Variants in TEX9 observed in about 807,000 individuals in gnomAD.
TEX9 encodes the protein testis expressed 9, also known as testis-expressed protein 9.
A neutral mutation model predicts 59.6 loss-of-function variants in TEX9; 74 were observed. That is an observed-to-expected ratio of 1.24 (90% CI 1.03 to 1.51). The LOEUF (loss-of-function observed/expected upper bound fraction) is 1.51. TEX9 is among the 40% of genes most tolerant of loss of function. The probability of loss-of-function intolerance (pLI) is 0.00; values close to 1 mark genes in which losing one functional copy is unlikely to be tolerated. For missense variants in TEX9, 522 were observed against 447.8 expected (o/e 1.17, Z -1.49); for synonymous variants, 186 against 152.2 (o/e 1.22, Z -1.64).
chr15:56,389,174 T>A (rs2048095451), intron 5 of TEX9, 144 bp from the exon 6 acceptor site: 1 of 693,832 alleles, frequency 1.4e-6, no homozygotes, highest in Non-Finnish European at 2.6e-6. Context: ...GTTGTGATAT[T>A]CTTGAAAACA....
chr15:56,249,742 CAAAAAA>C (rs11440856), intron 1 of TEX9, among the ~76,000 whole-genome samples: 18 of 25,468 alleles, frequency 7.1e-4, no homozygotes, highest in East Asian at 2.4e-3. Context: ...GGATCTGTCT[CAAAAAA>C]AAAAAAAAAA....
At chr15:56,367,516 C>T (rs2046999371) in intron 2 of TEX9, among the ~76,000 whole-genome samples, 1 of 152,152 alleles carries the variant, frequency 6.6e-6, no homozygotes, top group East Asian at 1.9e-4. Flanking sequence ...GCTAATCGCT[C>T]AAGTGGATAG....
chr15:56,395,062 T>C, intron 9 of TEX9: 2 of 520,338 alleles, frequency 3.8e-6, no homozygotes, highest in Non-Finnish European at 6.7e-6. Context: ...TGTGCAACTA[T>C]CACCACAACC....
intron 1 of TEX9, among the ~76,000 whole-genome samples, chr15:56,311,126 T>C (rs1462891534): frequency 1.2e-4 from 3 of 26,056 alleles, no homozygotes; most frequent in African/African-American, 2.9e-4. Context: ...TCCTTATTTC[T>C]TTTTTTTTTT....
chr15:56,278,835 C>G (rs2044745152), intron 1 of TEX9, among the ~76,000 whole-genome samples: 1 of 151,856 alleles, frequency 6.6e-6, no homozygotes, highest in Non-Finnish European at 1.5e-5. Flanking sequence ...TCAGTCCGTC[C>G]CTCTATCTGC....
downstream of TEX9, chr15:56,445,924 A>G (rs1317362528): frequency 1.3e-5 from 2 of 152,050 alleles, no homozygotes; most frequent in African/African-American, 2.4e-5. Flanking sequence ...ACAGCGCTAT[A>G]TGGCTTAGCA....
At chr15:56,424,980 A>C (rs936904723) in intron 10 of TEX9, among the ~76,000 whole-genome samples, 6 of 152,082 alleles carry the variant, frequency 3.9e-5, no homozygotes, top group South Asian at 2.1e-4. Flanking sequence ...GAATGTCTTA[A>C]TTTCTTTTTC....
the TEX9 span, among the ~76,000 whole-genome samples, chr15:56,459,225 T>A: frequency 2.0e-5 from 3 of 152,266 alleles, no homozygotes; most frequent in African/African-American, 7.2e-5. Context: ...TGGCCTTTTG[T>A]ATCTGGTTTA....
At chr15:56,381,280 A>T (rs1391424189) in intron 3 of TEX9, among the ~76,000 whole-genome samples, 3 of 152,126 alleles carry the variant, frequency 2.0e-5, no homozygotes, top group Admixed American at 1.3e-4. Flanking sequence ...CGTTAAATTT[A>T]TCTGATAGAA....
At chr15:56,302,401 A>T (rs1304136679) in intron 1 of TEX9, among the ~76,000 whole-genome samples, 3 of 151,680 alleles carry the variant, frequency 2.0e-5, no homozygotes, top group Admixed American at 1.3e-4. Flanking sequence ...TGCACCTGAG[A>T]TCCCAGCTAC....
chr15:56,458,971 G>A, the TEX9 span, among the ~76,000 whole-genome samples: 71 of 152,230 alleles, frequency 4.7e-4, 1 homozygote, highest in African/African-American at 1.6e-3. Flanking sequence ...AAATGCTATA[G>A]ATATATATAG....
At chr15:56,289,690 T>G (rs2045042698) in intron 1 of TEX9, among the ~76,000 whole-genome samples, 1 of 152,152 alleles carries the variant, frequency 6.6e-6, no homozygotes, top group Non-Finnish European at 1.5e-5. Context: ...TGGGCTCACT[T>G]GCAGTGGCAG....
intron 12 of TEX9, chr15:56,429,151 C>G (rs755590041): frequency 1.2e-6 from 2 of 1,602,340 alleles, no homozygotes; most frequent in Non-Finnish European, 1.7e-6. Flanking sequence ...TTCCTGAACT[C>G]TTCACCAAGC....
intron 12 of TEX9, chr15:56,431,270 G>A (rs545646264): frequency 3.5e-5 from 48 of 1,359,992 alleles, no homozygotes; most frequent in East Asian, 7.0e-5. Context: ...CTTCATAACC[G>A]AGCAAGAAGT....
chr15:56,283,553 T>C (rs1160010421), intron 1 of TEX9, among the ~76,000 whole-genome samples: 1 of 152,126 alleles, frequency 6.6e-6, no homozygotes, highest in Admixed American at 6.6e-5. Context: ...TGTTTAGCAA[T>C]TTGGGGAAAA....
chr15:56,347,789 T>C (rs1164284638), intron 1 of TEX9, among the ~76,000 whole-genome samples: 2 of 152,066 alleles, frequency 1.3e-5, no homozygotes, highest in African/African-American at 4.8e-5. Context: ...TAAAAACATT[T>C]GATCCATGAA....
Position 56,289,850 on chromosome 15 carries a change from AGAATGT to A in TEX9, c.-107+45575_-107+45580del, listed in dbSNP as rs1173430751. On this transcript the variant is annotated intron_variant, in intron 1 of 5. Transcript: ENST00000560827. ...GCACCCCTGCCACCTCATTGGTAAC[AGAATGT>A]GAGGCACAGATGCTTGTAAAGCAGC... is the stretch of plus-strand genomic sequence containing the variant. 5.3e-5 allele frequency among the ~76,000 whole-genome samples: 8 copies of A among 152,210 alleles called. No homozygotes were observed. The East Asian group carries it at 9.6e-4, about 18-fold the overall frequency.
At chr15:56,271,129 C>T (rs571571333) in intron 1 of TEX9, among the ~76,000 whole-genome samples, 3 of 152,172 alleles carry the variant, frequency 2.0e-5, no homozygotes, top group South Asian at 2.1e-4. Context: ...TTGCTCTTCT[C>T]GTGGAGTATC....
rs536091801 is a variant in TEX9 at position 56,322,397 on chromosome 15, G to C, written c.-106-51044G>C. On this transcript the variant is annotated intron_variant, in intron 1 of 5. Transcript: ENST00000560827. ...GAAGAAACATTAGGGGGCAATTATG[G>C]AATTAAGAAAACCATCGTGGTCATG... 2.0e-5 allele frequency among the ~76,000 whole-genome samples: 3 copies of C among 152,264 alleles called. 1 individual carries two copies. Among genetic ancestry groups the C allele is most frequent in the African/African-American group, 7.2e-5 (3 of 41,550 alleles).
Sources: allele counts gnomAD v4.1 joint callset (sites outside exome capture counted in the v4.1 genomes callset), GRCh38; gene constraint gnomAD v4.1.1; transcripts MANE v1.5; gene names NCBI Gene and HGNC (gene_info 2026-07-23, HGNC 2026-07-21).